MYLK4: variants seen among roughly 807,000 people sequenced by gnomAD.
The protein encoded by MYLK4 is caMLCK like.
MYLK4 carries 46 observed loss-of-function variants against 48.1 expected under a neutral mutation model. The observed-to-expected ratio is 0.96, with a 90% CI of 0.75 to 1.22. The LOEUF is 1.22. Ranked by LOEUF, MYLK4 falls within the 50% of genes most tolerant of loss-of-function variation. MYLK4 has a pLI of 0.00. For missense variants in MYLK4, 451 were observed against 486.1 expected (o/e 0.93, Z 0.68); for synonymous variants, 170 against 180.8 (o/e 0.94, Z 0.48).
chr6:2,679,829 A>C (rs1426910068), intron 8 of MYLK4, among the ~76,000 whole-genome samples: 3 of 152,226 alleles, frequency 2.0e-5, no homozygotes, highest in Admixed American at 2.0e-4. Context: ...TGTCCACGTA[A>C]ACTCTTTGTT....
chr6:2,719,832 T>C (rs1763003771), intron 2 of MYLK4, among the ~76,000 whole-genome samples: 2 of 152,208 alleles, frequency 1.3e-5, no homozygotes, highest in African/African-American at 4.8e-5. Flanking sequence ...ACAAGCAGCA[T>C]TTGTCATCAG....
Position 2,748,387 on chromosome 6 carries a change from G to A in MYLK4, c.159+749C>T, listed in dbSNP as rs188024635. On this transcript the variant is annotated intron_variant, in intron 2 of 12. Coordinates refer to ENST00000274643, the MANE Select transcript of MYLK4 (RefSeq NM_001012418.5). ...ACCACATGTGCTGGAATGAAGGCAC[G>A]GGCAAAATGCTTGATGCTCCCACCG... Among the ~76,000 whole-genome samples the A allele has an allele frequency of 1.8e-4, 28 of 152,302 alleles. No individual in the cohort carries two copies. The East Asian group carries it at 4.2e-3, about 23-fold the overall frequency.
chr6:2,765,673 G>A, the MYLK4 span: 2 of 1,553,082 alleles, frequency 1.3e-6, no homozygotes, highest in Non-Finnish European at 1.7e-6. Flanking sequence ...AGCTGCACCA[G>A]GTGCAGTGCC....
chr6:2,740,267 C>A (rs9501884), intron 2 of MYLK4, among the ~76,000 whole-genome samples: 34,135 of 152,166 alleles, frequency 0.22, 3,917 homozygotes, highest in Middle Eastern at 0.28. Context: ...TGCTCTCCCC[C>A]ACCTCTGCTC....
At chr6:2,761,813 C>T in the MYLK4 span, among the ~76,000 whole-genome samples, 2 of 152,188 alleles carry the variant, frequency 1.3e-5, no homozygotes, top group Admixed American at 1.3e-4. Context: ...CACACACACA[C>T]ACAATCTTTG....
chr6:2,710,471 C>T (rs1415340649), intron 2 of MYLK4, among the ~76,000 whole-genome samples: 1 of 152,212 alleles, frequency 6.6e-6, no homozygotes, highest in Non-Finnish European at 1.5e-5. Context: ...CTCACCAGGT[C>T]ACCACATCTG....
At chr6:2,749,081 G>A in intron 2 of MYLK4, 55 bp downstream of exon 2, 1 of 1,526,586 alleles carries the variant, frequency 6.6e-7, no homozygotes. Context: ...CATGACATTA[G>A]AAAAGATAAG....
chr6:2,678,452 C>A lies in MYLK4; in HGVS notation c.888-80G>T, dbSNP rs1761169483. Reference sequence around the variant, plus strand: ...CATACAGATTGCTTTTCTGGTTGTGCCATTTAAAGGTGAGAGAAGGAAAAT... The same window carrying A: ...CATACAGATTGCTTTTCTGGTTGTGACATTTAAAGGTGAGAGAAGGAAAAT... On this transcript the variant is annotated intron_variant, in intron 9 of 12. Coordinates refer to ENST00000274643, the MANE Select transcript of MYLK4 (RefSeq NM_001012418.5). 3 of 1,470,728 alleles carry A rather than the reference C, an allele frequency of 2.0e-6. No homozygotes were observed. In the African/African-American group the frequency reaches 4.2e-5, roughly 21 times the overall value. The allele number at this position is 1,470,728 out of a possible 1,614,324, so 91.1% of individuals were successfully genotyped here.
At chr6:2,766,572 TTGGGC>T in the MYLK4 span, 1 of 1,387,160 alleles carries the variant, frequency 7.2e-7, no homozygotes, top group East Asian at 2.7e-5. Context: ...GGGTGCAGAC[TTGGGC>T]TGGGCTGGGG....
rs9501877 is a variant in MYLK4, at chr6:2,685,942, T to C, written c.342-366A>G. Among the ~76,000 whole-genome samples, 58,182 of 151,526 alleles carry C rather than the reference T, an allele frequency of 0.38. 11,869 individuals carry two copies. Among genetic ancestry groups the C allele is most frequent in the African/African-American group, 0.53 (21,893 of 41,262 alleles). On this transcript the variant is annotated intron_variant, in intron 4 of 12. Transcript: ENST00000274643. This position sits in a 1 kb window ranked among gnomAD's most constrained non-coding sequence, Gnocchi z 4.5. ...AATTAGCCAGATGTGATGGCATGTGTCTGTAGTCCCAGCTACTCGGGAGGC... is the reference window on the plus strand; with the variant it reads ...AATTAGCCAGATGTGATGGCATGTGCCTGTAGTCCCAGCTACTCGGGAGGC...
intron 2 of MYLK4, among the ~76,000 whole-genome samples, chr6:2,734,525 C>T (rs1246131195): frequency 1.3e-5 from 2 of 152,236 alleles, no homozygotes; most frequent in African/African-American, 4.8e-5. Flanking sequence ...AAATATTTAT[C>T]TTATCAAGGA....
the MYLK4 span, among the ~76,000 whole-genome samples, chr6:2,760,993 G>C: frequency 1.3e-5 from 2 of 152,268 alleles, no homozygotes; most frequent in South Asian, 4.2e-4. Flanking sequence ...GCAGGGATGT[G>C]AGTCATGTGG....
At position 2,672,196 on chromosome 6, in the gene MYLK4, G is replaced by A. The variant is rs544317851; in HGVS notation, c.1120-848C>T. ...AAAGAAAACATGTCAAATTTGTGTC[G>A]TGTTCCTTCCTCTGGCCCCAGAACC... On this transcript the variant is annotated intron_variant, in intron 11 of 12. Coordinates refer to ENST00000274643, the MANE Select transcript of MYLK4 (RefSeq NM_001012418.5). The surrounding 1 kb of genome is among the most constrained non-coding windows in gnomAD (Gnocchi z 4.3). Among the ~76,000 whole-genome samples the A allele has an allele frequency of 1.2e-3, 186 of 152,266 alleles. No individual in the cohort carries two copies. Among genetic ancestry groups the A allele is most frequent in the Non-Finnish European group, 2.1e-3 (146 of 68,020 alleles).
rs1465154776 is a variant in MYLK4, at chr6:2,723,298, TAAAGA to T, written c.159+25833_159+25837del. 5.3e-5 allele frequency among the ~76,000 whole-genome samples: 8 copies of T among 152,228 alleles called. No individual in the cohort carries two copies. The East Asian group carries it at 1.2e-3, about 22-fold the overall frequency. On this transcript the variant is annotated intron_variant, in intron 2 of 12. Coordinates refer to ENST00000274643, the MANE Select transcript of MYLK4 (RefSeq NM_001012418.5). ...ACGGAGTCAGACCCTGTCTCAAAAA[TAAAGA>T]AAAGAAAAAGTTATGTGAGTGCTGA... is the stretch of plus-strand genomic sequence containing the variant.
intron 2 of MYLK4, among the ~76,000 whole-genome samples, chr6:2,711,961 T>C (rs745217): frequency 0.44 from 66,811 of 152,018 alleles, 15,721 homozygotes; most frequent in East Asian, 0.57. Context: ...ATGTAAATCA[T>C]GAAAATACAA....
the MYLK4 span, chr6:2,770,356 C>G: frequency 6.2e-7 from 1 of 1,614,146 alleles, no homozygotes; most frequent in Non-Finnish European, 8.5e-7. Flanking sequence ...GCAACAGCAG[C>G]TCAGAGTAAG....
intron 2 of MYLK4, among the ~76,000 whole-genome samples, chr6:2,741,402 A>G (rs1763896667): frequency 6.6e-6 from 1 of 152,224 alleles, no homozygotes; most frequent in Non-Finnish European, 1.5e-5. Flanking sequence ...TATTAAAACA[A>G]CAGAAATGGC....
chr6:2,699,305 T>TTTTTTTTTTTTTTTTTTA (rs1762196521), intron 2 of MYLK4, among the ~76,000 whole-genome samples: 1 of 128,094 alleles, frequency 7.8e-6, no homozygotes, highest in Non-Finnish European at 1.7e-5. Flanking sequence ...TTTTTTTTTT[T>TTTTTTTTTTTTTTTTTTA]TTTTGATATG....
chr6:2,720,865 A>C (rs888820797), intron 2 of MYLK4, among the ~76,000 whole-genome samples: 3 of 152,160 alleles, frequency 2.0e-5, no homozygotes, highest in African/African-American at 7.2e-5. Flanking sequence ...TTCCAGAACA[A>C]GAATAAGAGA....
Sources: allele counts gnomAD v4.1 joint callset (sites outside exome capture counted in the v4.1 genomes callset), GRCh38; gene constraint gnomAD v4.1.1; non-coding constraint Gnocchi (gnomAD v3.1); transcripts MANE v1.5; gene names NCBI Gene and HGNC (gene_info 2026-07-23, HGNC 2026-07-21).